The following NRXN2 variants were observed in gnomAD, a reference collection of about 807,000 sequenced individuals.
NRXN2 encodes neurexin-2-beta.
NRXN2 carries 29 observed loss-of-function variants against 128.8 expected under a neutral mutation model. The ratio of observed to expected loss-of-function variants is 0.23; its 90% confidence interval spans 0.17 to 0.31. The LOEUF is 0.31. Ranked by LOEUF, NRXN2 falls within the 10% of genes least tolerant of loss-of-function variation. NRXN2 has a pLI of 1.00. For missense variants in NRXN2, 1,881 were observed against 2,452.6 expected (o/e 0.77, Z 4.92); for synonymous variants, 1,098 against 1,075.2 (o/e 1.02, Z -0.41).
chr11:64,626,502 G>A lies in NRXN2; in HGVS notation c.3808C>T (p.Arg1270Trp), dbSNP rs1260090771. The A allele has an allele frequency of 3.1e-6, 5 of 1,613,914 alleles. No homozygotes were observed. The highest frequency in any genetic ancestry group is 3.4e-6 in the Non-Finnish European group (4 of 1,179,948). The change falls in exon 20 of 23, where the codon CGG (arginine) becomes TGG (tryptophan). Residue 1270 changes from arginine (R) to tryptophan (W), a missense_variant. Coordinates refer to ENST00000265459, the MANE Select transcript of NRXN2 (RefSeq NM_015080.4). ...CACTCATCTACTACTCGACCAAGCC[G>A]GTAGGGGATTCTCTGTCTAGCAATC... ...LAIARQRIPY[R>W]LGRVVDEWLL...
At position 64,630,382 on chromosome 11, in the gene NRXN2, C is replaced by T; in HGVS notation, c.3757+20G>A. On this transcript the variant is annotated intron_variant, in intron 19 of 22. Transcript: ENST00000265459. The surrounding 1 kb of genome is among the most constrained non-coding windows in gnomAD (Gnocchi z 4.6). Reference sequence around the variant, plus strand: ...ACCCGCCCCGCCACCGCGCCTCCTCCGCGGGCCCGCGCCGCCTACCTGCCG... The same window carrying T: ...ACCCGCCCCGCCACCGCGCCTCCTCTGCGGGCCCGCGCCGCCTACCTGCCG... 2 of 1,603,390 alleles carry T rather than the reference C, an allele frequency of 1.2e-6. No individual in the cohort carries two copies. Among genetic ancestry groups the T allele is most frequent in the Non-Finnish European group, 1.7e-6 (2 of 1,176,478 alleles).
At chr11:64,616,282 G>GT (rs2041508490) in intron 22 of NRXN2, among the ~76,000 whole-genome samples, 1 of 152,164 alleles carries the variant, frequency 6.6e-6, no homozygotes, top group South Asian at 2.1e-4. Flanking sequence ...GTGCATTGTG[G>GT]TGAGTATACT....
chr11:64,650,486 G>A lies in NRXN2; in HGVS notation c.3071C>T (p.Thr1024Met), dbSNP rs757534789. The change falls in exon 15 of 23, where the codon ACG becomes ATG. Residue 1024 changes from threonine (T) to methionine (M), a missense_variant. By Grantham distance (81) the Thr-to-Met change is moderately conservative (BLOSUM62 -1). Transcript: ENST00000265459. ...HTLKIDSRTV[T>M]QHSNGARNLD... ...GTTTCGGGCGCCATTGGAGTGCTGCGTGACAGTGCGGGAGTCAATCTTGAG... is the reference window on the plus strand; with the variant it reads ...GTTTCGGGCGCCATTGGAGTGCTGCATGACAGTGCGGGAGTCAATCTTGAG... 15 of 1,614,104 alleles carry A rather than the reference G, an allele frequency of 9.3e-6. No homozygotes were observed. The highest frequency in any genetic ancestry group is 4.5e-5 in the East Asian group (2 of 44,888).
intron 3 of NRXN2, among the ~76,000 whole-genome samples, chr11:64,696,559 A>ACT (rs950662860): frequency 6.6e-6 from 1 of 151,180 alleles, no homozygotes. Flanking sequence ...ACACACACAC[A>ACT]CACACCTGCC....
chr11:64,623,461 G>T lies in NRXN2; in HGVS notation c.3848-383C>A, dbSNP rs999345802. The stretch of plus-strand genomic sequence containing the variant: ...CAGTCCATCCCCATCTTCTCCCTCT[G>T]CTTCCCCAAACATCCTGCCCCAGTG... On this transcript the variant is annotated intron_variant, in intron 20 of 22. Coordinates refer to ENST00000265459, the MANE Select transcript of NRXN2 (RefSeq NM_015080.4). This position sits in a 1 kb window ranked among gnomAD's most constrained non-coding sequence, Gnocchi z 4.9. The T allele has an allele frequency of 3.6e-6, 1 of 280,370 alleles. No homozygotes were observed. The highest frequency in any genetic ancestry group is 6.9e-6 in the Non-Finnish European group (1 of 144,844). The allele number at this position is 280,370 out of a possible 1,614,324, so 17.4% of individuals were successfully genotyped here.
intron 17 of NRXN2, among the ~76,000 whole-genome samples, chr11:64,640,298 T>C (rs2045469069): frequency 6.6e-6 from 1 of 152,206 alleles, no homozygotes; most frequent in African/African-American, 2.4e-5. Flanking sequence ...GCACTCTGGC[T>C]CCCAGGCCCT....
At chr11:64,642,800 G>T (rs1028031318) in intron 17 of NRXN2, 50 of 1,148,704 alleles carry the variant, frequency 4.4e-5, no homozygotes, top group Non-Finnish European at 5.2e-5. Flanking sequence ...CCCCCGGGGG[G>T]CATTTCGGCC....
intron 1 of NRXN2, among the ~76,000 whole-genome samples, chr11:64,717,748 T>C (rs2057338737): frequency 1.3e-5 from 2 of 152,118 alleles, no homozygotes. Context: ...CTTCGGCTTC[T>C]AGGAGGTCAT....
intron 2 of NRXN2, 75 bp from the exon 3 acceptor site, chr11:64,697,867 G>T: frequency 1.3e-6 from 2 of 1,567,142 alleles, no homozygotes; most frequent in South Asian, 1.1e-5. Flanking sequence ...AAGGTACCAC[G>T]GACAGGGGCT....
chr11:64,626,610 GA>G (rs2043098665), intron 19 of NRXN2, 58 bp from the exon 20 acceptor site: 1 of 1,276,586 alleles, frequency 7.8e-7, no homozygotes, highest in Non-Finnish European at 1.1e-6. Flanking sequence ...AAAGGAGTTA[GA>G]AAAGTAATTA....
intron 3 of NRXN2, among the ~76,000 whole-genome samples, chr11:64,695,145 C>T (rs2054327428): frequency 6.6e-6 from 1 of 152,122 alleles, no homozygotes; most frequent in Non-Finnish European, 1.5e-5. Context: ...TCTGTCTCCC[C>T]ACTAATCTGA....
At chr11:64,685,996 T>G (rs1320610997) in intron 5 of NRXN2, 49 bp from the exon 6 acceptor site, 1 of 1,602,854 alleles carries the variant, frequency 6.2e-7, no homozygotes, top group South Asian at 1.1e-5. Context: ...TGGGGCAGGG[T>G]ACACCAGTGC....
chr11:64,699,737 C>T (rs1357260843), intron 2 of NRXN2, among the ~76,000 whole-genome samples: 1 of 152,112 alleles, frequency 6.6e-6, no homozygotes, highest in East Asian at 1.9e-4. Flanking sequence ...TAAACTGAAT[C>T]ACATTTCATT....
rs780208602 is a variant in NRXN2 at position 64,660,500 on chromosome 11, T to C, written c.2221A>G (p.Met741Val). 1.2e-6 allele frequency: 2 copies of C among 1,614,152 alleles called. No homozygotes were observed. Among genetic ancestry groups the C allele is most frequent in the Non-Finnish European group, 1.7e-6 (2 of 1,180,020 alleles). Residue 741 changes from methionine to valine, a missense_variant, in exon 11 of 23, where the codon ATG becomes GTG. Coordinates refer to ENST00000265459, the MANE Select transcript of NRXN2 (RefSeq NM_015080.4). This position sits in a 1 kb window ranked among gnomAD's most constrained non-coding sequence, Gnocchi z 5.2. Reference sequence around the variant, plus strand: ...ATGGCGTTAGGCAGCATGATCTTCATGTACATGGAGCCATCGTAGCTCAGG... The same window carrying C: ...ATGGCGTTAGGCAGCATGATCTTCACGTACATGGAGCCATCGTAGCTCAGG... ...TVLSYDGSMY[M>V]KIMLPNAMHT...
chr11:64,712,762 G>GCC, intron 2 of NRXN2: 1 of 681,624 alleles, frequency 1.5e-6, no homozygotes, highest in Non-Finnish European at 2.7e-6. Context: ...GCCCAAGCCG[G>GCC]CCCCGCCCAC....
At position 64,625,708 on chromosome 11, in the gene NRXN2, A is replaced by C. The variant is rs939858143; in HGVS notation, c.3847+755T>G. Among the ~76,000 whole-genome samples the C allele has an allele frequency of 1.2e-4, 18 of 152,088 alleles. 1 individual carries two copies. Among genetic ancestry groups the C allele is most frequent in the African/African-American group, 4.3e-4 (18 of 41,412 alleles). Reference sequence around the variant, plus strand: ...CCTTAGTCCCCAGCTTCCCTTGGTAACAAGAAGCCTTCTCTCTCACACCCA... The same window carrying C: ...CCTTAGTCCCCAGCTTCCCTTGGTACCAAGAAGCCTTCTCTCTCACACCCA... On this transcript the variant is annotated intron_variant, in intron 20 of 22. Coordinates refer to ENST00000265459, the MANE Select transcript of NRXN2 (RefSeq NM_015080.4).
intron 2 of NRXN2, among the ~76,000 whole-genome samples, chr11:64,707,678 T>C (rs2056479047): frequency 1.3e-5 from 2 of 152,256 alleles, no homozygotes; most frequent in Non-Finnish European, 2.9e-5. Context: ...ATTATCTTCA[T>C]TTATAGATAA....
chr11:64,690,032 T>A (rs1203948076), intron 5 of NRXN2, among the ~76,000 whole-genome samples: 1 of 152,240 alleles, frequency 6.6e-6, no homozygotes, highest in Non-Finnish European at 1.5e-5. Flanking sequence ...TTCCCTGGAC[T>A]GGGCACCTAG....
chr11:64,670,388 T>C (rs906708195), intron 7 of NRXN2, among the ~76,000 whole-genome samples: 3 of 151,880 alleles, frequency 2.0e-5, no homozygotes, highest in African/African-American at 7.3e-5. Flanking sequence ...CACAAAAACA[T>C]GCAAACGAGA....
Sources: allele counts gnomAD v4.1 joint callset (sites outside exome capture counted in the v4.1 genomes callset), GRCh38; gene constraint gnomAD v4.1.1; non-coding constraint Gnocchi (gnomAD v3.1); transcripts MANE v1.5; gene names NCBI Gene and HGNC (gene_info 2026-07-23, HGNC 2026-07-21).